The following SORBS2 variants were observed in gnomAD, a reference collection of about 807,000 sequenced individuals.
SORBS2 encodes sorbin and SH3 domain-containing protein 2.
In SORBS2, 46 loss-of-function variants were observed where a neutral mutation model predicts 97.7. The ratio of observed to expected loss-of-function variants is 0.47; its 90% CI spans 0.37 to 0.60. The LOEUF (loss-of-function observed/expected upper bound fraction) is 0.60. Ranked by LOEUF, SORBS2 falls within the 20% of genes least tolerant of loss-of-function variation. The pLI is 0.00. For synonymous variants in SORBS2, 476 were observed against 473.4 expected (o/e 1.01, Z -0.07); for missense variants, 1,316 against 1,282.3 (o/e 1.03, Z -0.40).
At chr4:185,700,358 TG>T (rs1181139042) in intron 2 of SORBS2, among the ~76,000 whole-genome samples, 4 of 71,512 alleles carry the variant, frequency 5.6e-5, no homozygotes, top group Admixed American at 2.8e-4. Context: ...CTGTGCTGGG[TG>T]GGGGGAGGGT....
At chr4:185,795,428 A>G (rs987817433) in intron 1 of SORBS2, among the ~76,000 whole-genome samples, 7 of 152,126 alleles carry the variant, frequency 4.6e-5, no homozygotes, top group Admixed American at 1.3e-4. Context: ...TTTTTATCCT[A>G]GTCCATCCCC....
At chr4:185,738,118 G>T (rs1225505881) in intron 2 of SORBS2, among the ~76,000 whole-genome samples, 3 of 152,254 alleles carry the variant, frequency 2.0e-5, no homozygotes, top group Non-Finnish European at 4.4e-5. Context: ...AATCGAGACA[G>T]CCTGTTTATG....
intron 2 of SORBS2, among the ~76,000 whole-genome samples, chr4:185,695,502 T>C (rs1005744988): frequency 1.5e-5 from 1 of 67,662 alleles, no homozygotes; most frequent in Non-Finnish European, 5.6e-5. Flanking sequence ...TTGCAGGATG[T>C]TAGTTTTTTT....
intron 1 of SORBS2, among the ~76,000 whole-genome samples, chr4:185,864,850 T>C (rs1015934294): frequency 4.0e-5 from 6 of 151,716 alleles, no homozygotes; most frequent in Non-Finnish European, 8.8e-5. Flanking sequence ...AGGCAGAATT[T>C]GCAGTGAGCT....
intron 11 of SORBS2, among the ~76,000 whole-genome samples, chr4:185,614,159 G>GGT (rs1554073399): frequency 2.2e-5 from 2 of 91,624 alleles, no homozygotes; most frequent in African/African-American, 8.8e-5. Flanking sequence ...GTTTTTTTGT[G>GGT]TTTTTTTTTT....
intron 4 of SORBS2, among the ~76,000 whole-genome samples, chr4:185,668,625 G>A (rs1422111774): frequency 1.6e-4 from 24 of 152,222 alleles, no homozygotes; most frequent in Admixed American, 1.6e-3. Flanking sequence ...TTCTCCTGAG[G>A]AAAATCAGAA....
intron 2 of SORBS2, among the ~76,000 whole-genome samples, chr4:185,763,981 C>A (rs970293432): frequency 2.6e-5 from 4 of 152,120 alleles, no homozygotes; most frequent in Admixed American, 6.5e-5. Context: ...CTAGCTTTTT[C>A]CAATAACATT....
intron 1 of SORBS2, among the ~76,000 whole-genome samples, chr4:185,848,047 A>G (rs1449074007): frequency 1.3e-5 from 2 of 152,190 alleles, no homozygotes; most frequent in Non-Finnish European, 2.9e-5. Context: ...ATGGTTTGGG[A>G]TTGGGGCCAC....
In SORBS2 at chr4:185,623,809, TAGG is replaced by T; in HGVS notation, c.1317_1319del (p.Leu440del). The T allele has an allele frequency of 6.2e-7, 1 of 1,614,162 alleles. No individual in the cohort carries two copies. ...GACATAGGCCATTTTGCGGTGGTTC[TAGG>T]GTTACGGGAGACAGCATGTCATCCC... On this transcript the variant is annotated inframe_deletion, in exon 7 of 15. Coordinates refer to ENST00000418609, the Ensembl canonical transcript of SORBS2. The surrounding 1 kb of genome is among the most constrained non-coding windows in gnomAD (Gnocchi z 6.4).
At chr4:185,620,994 G>A (rs1376876913) in intron 7 of SORBS2, among the ~76,000 whole-genome samples, 6 of 152,146 alleles carry the variant, frequency 3.9e-5, no homozygotes, top group South Asian at 4.1e-4. Context: ...TTGCACTTAC[G>A]TGACTTACAT....
chr4:185,893,568 A>C (rs2099243522), intron 1 of SORBS2, among the ~76,000 whole-genome samples: 1 of 152,218 alleles, frequency 6.6e-6, no homozygotes, highest in African/African-American at 2.4e-5. Context: ...TTGAGTCCAT[A>C]AAACAAACTG....
intron 11 of SORBS2, among the ~76,000 whole-genome samples, chr4:185,612,729 A>T (rs2096561010): frequency 6.6e-6 from 1 of 152,088 alleles, no homozygotes; most frequent in African/African-American, 2.4e-5. Context: ...ACCTCAAGTG[A>T]TCTGACCGCC....
At chr4:185,776,733 T>TA (rs71593655) in intron 1 of SORBS2, among the ~76,000 whole-genome samples, 31,970 of 151,102 alleles carry the variant, frequency 0.21, 4,107 homozygotes, top group Middle Eastern at 0.31. Flanking sequence ...ACCCCATCTC[T>TA]AAAAAAAATG....
intron 4 of SORBS2, among the ~76,000 whole-genome samples, chr4:185,633,135 C>T (rs1190062801): frequency 1.3e-5 from 2 of 152,122 alleles, no homozygotes; most frequent in Admixed American, 6.5e-5. Flanking sequence ...TTAAATTTTG[C>T]TTAAATATCC....
chr4:185,687,376 C>T (rs966482953), intron 2 of SORBS2, among the ~76,000 whole-genome samples: 4 of 152,090 alleles, frequency 2.6e-5, no homozygotes, highest in African/African-American at 4.8e-5. Flanking sequence ...CATGTACAAT[C>T]GAATTCTAAG....
intron 1 of SORBS2, among the ~76,000 whole-genome samples, chr4:185,916,046 AT>A (rs1159760943): frequency 1.3e-5 from 2 of 152,182 alleles, no homozygotes; most frequent in East Asian, 3.9e-4. Context: ...TGGCAGGTGG[AT>A]AAGTAAGGAG....
chr4:185,679,952 G>A (rs959039489), intron 2 of SORBS2, among the ~76,000 whole-genome samples: 2 of 152,218 alleles, frequency 1.3e-5, no homozygotes, highest in African/African-American at 2.4e-5. Context: ...GAACACAAAT[G>A]TGAGTCAGCA....
intron 1 of SORBS2, among the ~76,000 whole-genome samples, chr4:185,948,085 C>T (rs991813282): frequency 1.3e-5 from 2 of 152,004 alleles, no homozygotes; most frequent in African/African-American, 2.4e-5. Context: ...TACTCTGGCT[C>T]GTTTCTGTAG....
chr4:185,744,623 G>A (rs925780929), intron 2 of SORBS2, among the ~76,000 whole-genome samples: 3 of 152,178 alleles, frequency 2.0e-5, no homozygotes, highest in Non-Finnish European at 2.9e-5. Flanking sequence ...CTGCCACATC[G>A]GATTAATCTT....
Sources: allele counts gnomAD v4.1 joint callset (sites outside exome capture counted in the v4.1 genomes callset), GRCh38; gene constraint gnomAD v4.1.1; non-coding constraint Gnocchi (gnomAD v3.1); transcripts MANE v1.5; gene names NCBI Gene and HGNC (gene_info 2026-07-23, HGNC 2026-07-21).